FAM53A: variants seen among roughly 807,000 people sequenced by gnomAD.
FAM53A encodes family with sequence similarity 53 member A.
A neutral mutation model predicts 26.6 loss-of-function variants in FAM53A; 28 were observed. That is an observed-to-expected ratio of 1.05 (90% CI 0.78 to 1.45). The LOEUF is 1.45. Ranked by LOEUF, FAM53A falls within the 40% of genes most tolerant of loss-of-function variation. The pLI, the probability that FAM53A is intolerant of heterozygous loss-of-function variation, is 0.00. For missense variants in FAM53A, 650 were observed against 575.8 expected (o/e 1.13, Z -1.32); for synonymous variants, 290 against 253.1 (o/e 1.15, Z -1.38).
At chr4:1,656,792 G>A (rs1372719748) in intron 3 of FAM53A, among the ~76,000 whole-genome samples, 1 of 152,134 alleles carries the variant, frequency 6.6e-6, no homozygotes, top group Non-Finnish European at 1.5e-5. Context: ...CTCCTAACGG[G>A]CCCACTCTGC....
intron 1 of FAM53A, among the ~76,000 whole-genome samples, chr4:1,674,010 G>A (rs903675255): frequency 3.3e-5 from 5 of 152,264 alleles, no homozygotes; most frequent in African/African-American, 9.6e-5. Context: ...CGACACGTGT[G>A]TTGGCTTCCA....
rs779785935 is a variant in FAM53A, at chr4:1,641,346, C to T, written c.1144G>A (p.Val382Ile). Residue 382 changes from valine to isoleucine, a missense_variant, in exon 5 of 5, where the codon GTC (valine) becomes ATC (isoleucine). Physicochemically the swap from Val to Ile is conservative, Grantham distance 29. Coordinates refer to ENST00000308132, the MANE Select transcript of FAM53A (RefSeq NM_001174070.3). ...AGCTCCCAGCGGGCCCGGGGGAAGACGCCCTCCTCCCCGACACTGTCCCCA... is the reference window on the plus strand; with the variant it reads ...AGCTCCCAGCGGGCCCGGGGGAAGATGCCCTCCTCCCCGACACTGTCCCCA... ...RDGDSVGEEG[V>I]FPRARWELDL... is the part of the protein sequence containing the mutation. 15 of 1,611,148 alleles carry T rather than the reference C, an allele frequency of 9.3e-6. No individual in the cohort carries two copies. The highest frequency in any genetic ancestry group is 2.2e-5 in the East Asian group (1 of 44,870).
intron 2 of FAM53A, among the ~76,000 whole-genome samples, chr4:1,658,670 C>T (rs1035779031): frequency 1.3e-5 from 2 of 152,236 alleles, no homozygotes; most frequent in Non-Finnish European, 2.9e-5. Context: ...TCTTCCCTAC[C>T]CCATGAAGTG....
At chr4:1,598,188 G>T in the FAM53A span, among the ~76,000 whole-genome samples, 1 of 152,392 alleles carries the variant, frequency 6.6e-6, no homozygotes. Flanking sequence ...CTGTGGGGAG[G>T]TAAGTGGGAG....
At chr4:1,636,862 G>A (rs1715864778), downstream of FAM53A, among the ~76,000 whole-genome samples, 1 of 151,792 alleles carries the variant, frequency 6.6e-6, no homozygotes, top group South Asian at 2.1e-4. Context: ...GCCAGGAGGA[G>A]AGCTGAAATT....
At chr4:1,646,178 G>A (rs1712225480) in intron 4 of FAM53A, among the ~76,000 whole-genome samples, 1 of 151,916 alleles carries the variant, frequency 6.6e-6, no homozygotes, top group Middle Eastern at 3.4e-3. Context: ...TCGGCTCACT[G>A]CAACCTCCGC....
chr4:1,623,731 G>T (rs550474086), intron 1 of FAM53A, among the ~76,000 whole-genome samples: 3 of 152,258 alleles, frequency 2.0e-5, no homozygotes, highest in Non-Finnish European at 4.4e-5. Context: ...TGCGGCCGCC[G>T]CGGATCGGAC....
the FAM53A span, among the ~76,000 whole-genome samples, chr4:1,611,366 C>T: frequency 2.0e-5 from 3 of 152,194 alleles, no homozygotes; most frequent in Non-Finnish European, 1.5e-5. Context: ...AGTCTCCCCC[C>T]GTCCTCCTGG....
chr4:1,643,527 A>T (rs1331487184), intron 4 of FAM53A, among the ~76,000 whole-genome samples: 1 of 152,026 alleles, frequency 6.6e-6, no homozygotes, highest in Non-Finnish European at 1.5e-5. Flanking sequence ...TGGTTCTACT[A>T]TAAAAAGTGA....
chr4:1,663,748 C>A (rs560278448), intron 2 of FAM53A, among the ~76,000 whole-genome samples: 15 of 151,670 alleles, frequency 9.9e-5, no homozygotes, highest in Non-Finnish European at 1.8e-4. Flanking sequence ...TAAGGAGGGT[C>A]ACTTGAGGCC....
intron 1 of FAM53A, among the ~76,000 whole-genome samples, chr4:1,669,114 A>G (rs185863099): frequency 6.6e-6 from 1 of 152,094 alleles, no homozygotes; most frequent in African/African-American, 2.4e-5. Flanking sequence ...CACACATTAG[A>G]CCCACCCGCC....
intron 1 of FAM53A, among the ~76,000 whole-genome samples, chr4:1,624,327 G>A (rs938083884): frequency 6.6e-6 from 1 of 152,194 alleles, no homozygotes; most frequent in Non-Finnish European, 1.5e-5. Flanking sequence ...CAGGCGCTGT[G>A]TCAAGGGAGA....
At chr4:1,651,062 C>A (rs1287668847) in intron 4 of FAM53A, among the ~76,000 whole-genome samples, 1 of 149,802 alleles carries the variant, frequency 6.7e-6, no homozygotes, top group Non-Finnish European at 1.5e-5. Context: ...ACTAAAAATA[C>A]AAAAATTAGC....
downstream of FAM53A, among the ~76,000 whole-genome samples, chr4:1,614,406 A>ACACAC: frequency 7.7e-6 from 1 of 129,530 alleles, no homozygotes; most frequent in African/African-American, 3.3e-5. Context: ...GCATGCAGAG[A>ACACAC]CGTGAGGGGG....
rs952901042 is a variant in FAM53A, at chr4:1,668,682, C to T, written c.60G>A (p.Lys20=). 6.2e-7 allele frequency: 1 copy of T among 1,614,188 alleles called. No homozygotes were observed. The highest frequency in any genetic ancestry group is 8.5e-7 in the Non-Finnish European group (1 of 1,180,038). The change falls in exon 2 of 5, where the codon AAG becomes AAA. Residue 20 remains lysine, a synonymous_variant. Coordinates refer to ENST00000308132, the MANE Select transcript of FAM53A (RefSeq NM_001174070.3). ...QSQSLDDLTC[K]AEAGPLQYSA... is the part of the protein sequence containing the mutation. ...AGCTGCTTACCGGGCCAGCCTCCGC[C>T]TTGCAGGTGAGGTCGTCCAGGCTCT...
chr4:1,626,376 G>A (rs1052597183), intron 1 of FAM53A, among the ~76,000 whole-genome samples: 8 of 152,226 alleles, frequency 5.3e-5, no homozygotes, highest in Non-Finnish European at 1.2e-4. Flanking sequence ...CAGGGAGCCC[G>A]ACGCAGACCA....
intron 2 of FAM53A, among the ~76,000 whole-genome samples, chr4:1,663,309 A>C (rs1489025298): frequency 6.6e-6 from 1 of 152,232 alleles, no homozygotes; most frequent in Non-Finnish European, 1.5e-5. Flanking sequence ...TAGAATCACC[A>C]TATGACCTGG....
the FAM53A span, among the ~76,000 whole-genome samples, chr4:1,603,410 C>T: frequency 3.3e-5 from 5 of 152,162 alleles, no homozygotes; most frequent in Non-Finnish European, 4.4e-5. Context: ...AACAGAGAGG[C>T]GGGGACAGAG....
intron 1 of FAM53A, among the ~76,000 whole-genome samples, chr4:1,679,546 C>T (rs1314838332): frequency 1.3e-5 from 2 of 150,778 alleles, no homozygotes; most frequent in Non-Finnish European, 1.5e-5. Context: ...ATTAGCCTGG[C>T]GTGGTGGCAC....
Sources: allele counts gnomAD v4.1 joint callset (sites outside exome capture counted in the v4.1 genomes callset), GRCh38; gene constraint gnomAD v4.1.1; transcripts MANE v1.5; gene names NCBI Gene and HGNC (gene_info 2026-07-23, HGNC 2026-07-21).